Variants in INSRR observed in about 807,000 individuals in gnomAD.
INSRR encodes the protein insulin receptor-related protein.
INSRR carries 114 observed loss-of-function variants against 130.0 expected under a neutral mutation model. The ratio of observed to expected loss-of-function variants is 0.88; its 90% CI spans 0.75 to 1.02. INSRR has a LOEUF of 1.02. Among genes scored for constraint, INSRR ranks in the 50% least tolerant of loss-of-function variants. INSRR has a pLI of 0.00. For synonymous variants in INSRR, 674 were observed against 705.2 expected (o/e 0.96, Z 0.70); for missense variants, 1,657 against 1,735.2 (o/e 0.95, Z 0.80).
intron 5 of INSRR, 61 bp downstream of exon 5, chr1:156,851,229 T>C (rs764660382): frequency 6.2e-7 from 1 of 1,600,206 alleles, no homozygotes. Flanking sequence ...TTCACCACTG[T>C]TCTGGGAGTG....
At chr1:156,841,258 G>A in intron 21 of INSRR, 136 bp downstream of exon 21, 1 of 1,013,306 alleles carries the variant, frequency 9.9e-7, no homozygotes, top group South Asian at 1.4e-5. Context: ...GGGGGTTTGG[G>A]ATAGGGGGGT....
chr1:156,842,002 C>T, intron 19 of INSRR, 110 bp downstream of exon 19: 1 of 1,578,084 alleles, frequency 6.3e-7, no homozygotes, highest in Non-Finnish European at 8.6e-7. Flanking sequence ...GGGTGACTTG[C>T]CAAGGGTCTC....
chr1:156,852,203 G>A lies in INSRR; in HGVS notation c.638-12C>T. The A allele has an allele frequency of 1.3e-6, 2 of 1,577,912 alleles. No homozygotes were observed. The highest frequency in any genetic ancestry group is 2.4e-5 in the South Asian group (2 of 85,018). Reference sequence around the variant, plus strand: ...GGGGCAGGGGCACACTGTGGGGAGAGTGGTGTGTTAGACGTTGGCCATGCC... The same window carrying A: ...GGGGCAGGGGCACACTGTGGGGAGAATGGTGTGTTAGACGTTGGCCATGCC... On this transcript the variant is annotated splice_polypyrimidine_tract_variant and intron_variant, in intron 2 of 21. Coordinates refer to ENST00000368195, the MANE Select transcript of INSRR (RefSeq NM_014215.3).
intron 8 of INSRR, among the ~76,000 whole-genome samples, 200 bp from the exon 9 acceptor site, chr1:156,846,319 T>C (rs530355032): frequency 6.6e-6 from 1 of 152,154 alleles, no homozygotes; most frequent in Admixed American, 6.5e-5. Flanking sequence ...CCTCAGCTAT[T>C]GACCCCGGAC....
rs1036048539 is a variant in INSRR at position 156,840,572 on chromosome 1, C to G, written c.*301G>C. On this transcript the variant is annotated 3_prime_UTR_variant, in exon 22 of 22. Transcript: ENST00000368195. ...AGGGCCTCTAGGGTGGGCGGGCCCC[C>G]TCTTCCTAGTCTGAGTGGGGTCCCT... 2.3e-6 allele frequency: 1 copy of G among 438,782 alleles called. No individual in the cohort carries two copies. Among genetic ancestry groups the G allele is most frequent in the Non-Finnish European group, 4.2e-6 (1 of 238,670 alleles). The allele number at this position is 438,782 out of a possible 1,614,324, so 27.2% of individuals were successfully genotyped here.
intron 4 of INSRR, 105 bp from the exon 5 acceptor site, chr1:156,851,539 G>A (rs1655207495): frequency 1.2e-6 from 2 of 1,604,724 alleles, no homozygotes; most frequent in Non-Finnish European, 8.5e-7. Context: ...TCAGGACTGG[G>A]ACCCAGGATG....
rs1655096663 is a variant in INSRR at position 156,848,801 on chromosome 1, G to A, written c.1571+120C>T. ...GGCCCTACCACGGAGTACAACTTGC[G>A]GGTCCTGGCTTCCTGGGTCTTCATA... On this transcript the variant is annotated intron_variant, in intron 7 of 21. Transcript: ENST00000368195. 3 of 1,230,830 alleles carry A rather than the reference G, an allele frequency of 2.4e-6. No homozygotes were observed. In the South Asian group the frequency reaches 4.6e-5, roughly 19 times the overall value. 76.2% of individuals were successfully genotyped at this position (1,230,830 alleles called of 1,614,324 possible). A position where few individuals can be genotyped will look rare whatever the true frequency, so the allele number is the denominator to read the frequency against.
At chr1:156,850,756 C>T (rs1184228079) in intron 5 of INSRR, among the ~76,000 whole-genome samples, 5 of 151,556 alleles carry the variant, frequency 3.3e-5, no homozygotes, top group South Asian at 2.1e-4. Flanking sequence ...GGGGTTTCAC[C>T]ACGTTGGCCA....
chr1:156,857,163 ATGTGTGTG>A (rs57324546), intron 1 of INSRR, among the ~76,000 whole-genome samples: 1,630 of 130,594 alleles, frequency 0.012, 17 homozygotes, highest in African/African-American at 0.037. Context: ...GCAGCTGTGT[ATGTGTGTG>A]TGTGTGTGTG....
Position 156,840,431 on chromosome 1 carries a change from C to A in INSRR, c.*442G>T. The stretch of plus-strand genomic sequence containing the variant: ...GGCAAGCAAGGCAGTCATGTGGAGC[C>A]CCACCCCCCTCCCATACATGCATGG... On this transcript the variant is annotated 3_prime_UTR_variant, in exon 22 of 22. Transcript: ENST00000368195. 7.1e-6 allele frequency: 1 copy of A among 140,998 alleles called. No homozygotes were observed. The highest frequency in any genetic ancestry group is 1.5e-5 in the Non-Finnish European group (1 of 66,204). 8.7% of individuals were successfully genotyped at this position (140,998 alleles called of 1,614,324 possible).
Position 156,844,815 on chromosome 1 carries a change from C to G in INSRR, c.2466G>C (p.Val822=). The G allele has an allele frequency of 6.2e-7, 1 of 1,614,106 alleles. No individual in the cohort carries two copies. The highest frequency in any genetic ancestry group is 8.5e-7 in the Non-Finnish European group (1 of 1,180,022). Residue 822 remains valine (V), a synonymous_variant, in exon 13 of 22, where the codon GTG becomes GTC. Coordinates refer to ENST00000368195, the MANE Select transcript of INSRR (RefSeq NM_014215.3). The part of the protein sequence containing the change: ...HREADGIPGK[V]AWEASSKNSV... ...TGTTCTTGCTGGAGGCCTCCCAGGC[C>G]ACCTTTCCTGGAATACCATCAGCCT...
At chr1:156,848,888 C>T (rs1435633967) in intron 7 of INSRR, 33 bp downstream of exon 7, 19 of 1,546,882 alleles carry the variant, frequency 1.2e-5, no homozygotes, top group Non-Finnish European at 1.7e-5. Context: ...CGTCCGGTCC[C>T]GCCCCCGCTC....
intron 2 of INSRR, 150 bp downstream of exon 2, chr1:156,853,602 C>T (rs949214863): frequency 2.4e-6 from 2 of 821,782 alleles, no homozygotes; most frequent in Admixed American, 2.7e-5. Flanking sequence ...CTTTTCTGAG[C>T]CTTAGTTTCC....
At chr1:156,851,190 T>C in intron 5 of INSRR, 100 bp downstream of exon 5, 2 of 1,362,836 alleles carry the variant, frequency 1.5e-6, no homozygotes, top group Admixed American at 1.7e-5. Flanking sequence ...GCCTAGTGAG[T>C]AGCAAAATTG....
chr1:156,851,597 G>C, intron 4 of INSRR, 49 bp downstream of exon 4: 2 of 1,613,398 alleles, frequency 1.2e-6, no homozygotes, highest in Non-Finnish European at 1.7e-6. Flanking sequence ...GTGTCTGGGA[G>C]GAAGGGTATG....
At chr1:156,855,853 T>G (rs866355505) in intron 1 of INSRR, among the ~76,000 whole-genome samples, 1 of 151,950 alleles carries the variant, frequency 6.6e-6, no homozygotes, top group Non-Finnish European at 1.5e-5. Flanking sequence ...TAAATAAAAT[T>G]GTGACACTTT....
At position 156,849,621 on chromosome 1, in the gene INSRR, C is replaced by T. The variant is rs145358753; in HGVS notation, c.1230-161G>A. ...CACACCGGGGGCATTCGTGCATACC[C>T]ACTCTGTGCCACTGACCAGGAGTAT... On this transcript the variant is annotated intron_variant, in intron 5 of 21. Coordinates refer to ENST00000368195, the MANE Select transcript of INSRR (RefSeq NM_014215.3). Among the ~76,000 whole-genome samples, 305 of 152,300 alleles carry T rather than the reference C, an allele frequency of 2.0e-3. 2 individuals carry two copies. The highest frequency in any genetic ancestry group is 6.9e-3 in the African/African-American group (288 of 41,568).
chr1:156,857,940 G>A (rs551379187), intron 1 of INSRR, among the ~76,000 whole-genome samples: 10 of 151,496 alleles, frequency 6.6e-5, no homozygotes, highest in Admixed American at 3.3e-4. Context: ...TCTCTAAAAC[G>A]TACTGATGGG....
chr1:156,845,945 T>G lies in INSRR; in HGVS notation c.1978+7A>C. 6.2e-7 allele frequency: 1 copy of G among 1,610,640 alleles called. No individual in the cohort carries two copies. The highest frequency in any genetic ancestry group is 8.5e-7 in the Non-Finnish European group (1 of 1,178,442). ...CCGCGGCCGGCCTGCGCGTCGTCCC[T>G]GCGCACCGCGGTGGCAGTAGTCATT... On this transcript the variant is annotated splice_region_variant and intron_variant, in intron 9 of 21. Coordinates refer to ENST00000368195, the MANE Select transcript of INSRR (RefSeq NM_014215.3).
Sources: allele counts gnomAD v4.1 joint callset (sites outside exome capture counted in the v4.1 genomes callset), GRCh38; gene constraint gnomAD v4.1.1; transcripts MANE v1.5; gene names NCBI Gene and HGNC (gene_info 2026-07-23, HGNC 2026-07-21).